Variants in RTN3 observed in about 807,000 individuals in gnomAD.
The protein encoded by RTN3 is reticulon 3, also known as reticulon-3.
In RTN3, 49 loss-of-function variants were observed where a neutral mutation model predicts 77.8. The observed-to-expected ratio is 0.63, with a 90% CI of 0.50 to 0.80. The LOEUF (loss-of-function observed/expected upper bound fraction) is 0.80, where lower values mean the gene tolerates loss of function less well. Among genes scored for constraint, RTN3 ranks in the 30% least tolerant of loss-of-function variants. The pLI is 0.00. For synonymous variants in RTN3, 464 were observed against 446.9 expected (o/e 1.04, Z -0.48); for missense variants, 1,236 against 1,211.9 (o/e 1.02, Z -0.29).
At chr11:63,737,337 C>A (rs1054137868) in intron 3 of RTN3, among the ~76,000 whole-genome samples, 1 of 152,136 alleles carries the variant, frequency 6.6e-6, no homozygotes, top group Non-Finnish European at 1.5e-5. Context: ...CCAGGCATGC[C>A]GGTGTCTCAT....
chr11:63,718,910 C>G lies in RTN3; in HGVS notation c.408C>G (p.Thr136=). Residue 136 remains threonine (T), a synonymous_variant, in exon 3 of 9, where the codon ACC becomes ACG. Transcript: ENST00000377819. ...AAAAGATGGAAAAGCCTCAGGGGAC[C>G]AGCAACAACGTATCAGACTCTTCAG... ...DMKKMEKPQG[T]SNNVSDSSVS... 6.2e-7 allele frequency: 1 copy of G among 1,614,106 alleles called. No individual in the cohort carries two copies. Among genetic ancestry groups the G allele is most frequent in the Non-Finnish European group, 8.5e-7 (1 of 1,180,022 alleles).
At chr11:63,707,890 A>G (rs934693165) in intron 2 of RTN3, among the ~76,000 whole-genome samples, 6 of 152,166 alleles carry the variant, frequency 3.9e-5, no homozygotes, top group Non-Finnish European at 8.8e-5. Context: ...TTTAACCTAT[A>G]TTAGTAGCAT....
chr11:63,739,553 T>A (rs968232053), intron 3 of RTN3, among the ~76,000 whole-genome samples: 1 of 152,212 alleles, frequency 6.6e-6, no homozygotes, highest in Non-Finnish European at 1.5e-5. Context: ...ATTCCCTGTC[T>A]GTATCAGTGG....
Position 63,720,564 on chromosome 11 carries a change from C to A in RTN3, c.2062C>A (p.Pro688Thr), listed in dbSNP as rs753070383. 6.2e-6 allele frequency: 10 copies of A among 1,613,862 alleles called. No individual in the cohort carries two copies. Among genetic ancestry groups the A allele is most frequent in the South Asian group, 1.1e-5 (1 of 91,062 alleles). The change falls in exon 3 of 9, where the codon CCT becomes ACT. Residue 688 changes from proline to threonine, a missense_variant. Pro to Thr is a conservative substitution (Grantham distance 38). Transcript: ENST00000377819. ...SEKMTDFKTT[P>T]PVEVLHENES... Reference sequence around the variant, plus strand: ...GAAGATGACAGACTTTAAAACAACTCCTCCTGTAGAAGTCTTACATGAAAA... The same window carrying A: ...GAAGATGACAGACTTTAAAACAACTACTCCTGTAGAAGTCTTACATGAAAA...
In RTN3 at chr11:63,720,782, T is replaced by G; in HGVS notation, c.2280T>G (p.Thr760=). The G allele has an allele frequency of 6.2e-7, 1 of 1,614,120 alleles. No individual in the cohort carries two copies. Among genetic ancestry groups the G allele is most frequent in the African/African-American group, 1.3e-5 (1 of 75,052 alleles). ...GTGAAAGACAGGTTGAGAAGTCAAC[T>G]TCTGCACAGCGTGACGCAGAATTGC... ...ELGERQVEKS[T]SAQRDAELPS... The change falls in exon 3 of 9, where the codon ACT becomes ACG. Residue 760 remains threonine, a synonymous_variant. Transcript: ENST00000377819.
At chr11:63,738,671 C>T (rs963600707) in intron 3 of RTN3, among the ~76,000 whole-genome samples, 2 of 150,880 alleles carry the variant, frequency 1.3e-5, no homozygotes, top group African/African-American at 2.4e-5. Context: ...TGACAGACTA[C>T]TAAACCTTGA....
chr11:63,751,223 G>A lies in RTN3; in HGVS notation c.2738+1025G>A, dbSNP rs148432667. Among the ~76,000 whole-genome samples, 773 of 152,284 alleles carry A rather than the reference G, an allele frequency of 5.1e-3. 8 individuals are homozygous for A. The highest frequency in any genetic ancestry group is 0.017 in the African/African-American group (714 of 41,554). ...AAGCAGAGCACCTAGAGCAGCGCTCGGTTAGATGGGGTTCCAAGTGCATGT... is the reference window on the plus strand; with the variant it reads ...AAGCAGAGCACCTAGAGCAGCGCTCAGTTAGATGGGGTTCCAAGTGCATGT... On this transcript the variant is annotated intron_variant, in intron 4 of 8. Transcript: ENST00000377819.
At chr11:63,754,910 A>G (rs1250954913) in intron 7 of RTN3, among the ~76,000 whole-genome samples, 3 of 118,412 alleles carry the variant, frequency 2.5e-5, no homozygotes, top group Admixed American at 1.1e-4. Context: ...CCTGGGCGAC[A>G]GGGAGACTCT....
At chr11:63,722,895 A>G (rs1490078456) in intron 3 of RTN3, among the ~76,000 whole-genome samples, 1 of 152,166 alleles carries the variant, frequency 6.6e-6, no homozygotes, top group Non-Finnish European at 1.5e-5. Context: ...AGTTGTCATA[A>G]TTCTTACAGG....
intron 3 of RTN3, among the ~76,000 whole-genome samples, chr11:63,742,392 T>C (rs188187137): frequency 7.6e-4 from 113 of 148,676 alleles, no homozygotes; most frequent in African/African-American, 2.7e-3. Context: ...ATGCCTGTAA[T>C]CCCAGCACTT....
chr11:63,697,213 TAAG>T (rs1565304805), intron 1 of RTN3, among the ~76,000 whole-genome samples: 1 of 152,086 alleles, frequency 6.6e-6, no homozygotes. Context: ...ATTTTAAAAA[TAAG>T]AATATCGTGA....
chr11:63,690,540 G>A (rs1276175558), intron 1 of RTN3, among the ~76,000 whole-genome samples: 3 of 152,068 alleles, frequency 2.0e-5, no homozygotes, highest in Non-Finnish European at 4.4e-5. Context: ...TTACAGATGG[G>A]GACTCAGGCA....
intron 8 of RTN3, 64 bp downstream of exon 8, chr11:63,756,234 C>A: frequency 8.9e-7 from 1 of 1,119,682 alleles, no homozygotes; most frequent in Non-Finnish European, 1.3e-6. Context: ...TATCTTTAGT[C>A]CCTTGTACAA....
intron 3 of RTN3, among the ~76,000 whole-genome samples, chr11:63,737,413 C>T (rs1419673341): frequency 6.6e-6 from 1 of 152,040 alleles, no homozygotes; most frequent in East Asian, 1.9e-4. Flanking sequence ...AGTTTGAGAC[C>T]AGCCTGGCCA....
chr11:63,682,003 G>A (rs1941081772), intron 1 of RTN3, among the ~76,000 whole-genome samples: 1 of 152,260 alleles, frequency 6.6e-6, no homozygotes, highest in Non-Finnish European at 1.5e-5. Context: ...GTTGGGGGCG[G>A]GGAGATAGTC....
At chr11:63,734,798 A>C (rs1474924548) in intron 3 of RTN3, among the ~76,000 whole-genome samples, 5 of 149,952 alleles carry the variant, frequency 3.3e-5, no homozygotes, top group Non-Finnish European at 7.4e-5. Flanking sequence ...TGGAGGTCCT[A>C]GCCACTGAAT....
At chr11:63,739,489 C>A (rs1009104392) in intron 3 of RTN3, among the ~76,000 whole-genome samples, 3 of 152,148 alleles carry the variant, frequency 2.0e-5, no homozygotes, top group Non-Finnish European at 2.9e-5. Context: ...CCTCACAATT[C>A]TCTTCTGTTT....
intron 1 of RTN3, among the ~76,000 whole-genome samples, chr11:63,687,066 T>C (rs1565297424): frequency 1.3e-5 from 2 of 152,228 alleles, no homozygotes; most frequent in Non-Finnish European, 2.9e-5. Flanking sequence ...ATATGTAATT[T>C]GTGTTTTGAG....
At chr11:63,700,614 T>A (rs184548968) in intron 1 of RTN3, among the ~76,000 whole-genome samples, 63 of 151,366 alleles carry the variant, frequency 4.2e-4, no homozygotes, top group African/African-American at 8.7e-4. Flanking sequence ...TTTTATTTTT[T>A]TTTTTTTGAG....
Sources: allele counts gnomAD v4.1 joint callset (sites outside exome capture counted in the v4.1 genomes callset), GRCh38; gene constraint gnomAD v4.1.1; transcripts MANE v1.5; gene names NCBI Gene and HGNC (gene_info 2026-07-23, HGNC 2026-07-21).